The following CDIN1 variants were observed in gnomAD, a reference collection of about 807,000 sequenced individuals.
The protein encoded by CDIN1 is CDAN1 interacting nuclease 1, also known as CDAN1-interacting nuclease 1.
CDIN1 carries 33 observed loss-of-function variants against 45.3 expected under a neutral mutation model. The ratio of observed to expected loss-of-function variants is 0.73; its 90% CI spans 0.55 to 0.97. CDIN1 has a LOEUF of 0.97. Ranked by LOEUF, CDIN1 falls within the 50% of genes least tolerant of loss-of-function variation. The pLI is 0.00. For missense variants in CDIN1, 303 were observed against 339.4 expected (o/e 0.89, Z 0.84); for synonymous variants, 118 against 124.4 (o/e 0.95, Z 0.34).
At chr15:36,676,075 T>C (rs543795840) in intron 5 of CDIN1, among the ~76,000 whole-genome samples, 1 of 152,244 alleles carries the variant, frequency 6.6e-6, no homozygotes, top group East Asian at 1.9e-4. Context: ...TAGACGAAAG[T>C]TATTTCTGAA....
chr15:36,807,917 G>C (rs774664358), intron 10 of CDIN1, among the ~76,000 whole-genome samples: 6 of 152,052 alleles, frequency 3.9e-5, no homozygotes, highest in Admixed American at 2.6e-4. Flanking sequence ...GTTGCTATTA[G>C]GCAAGTTTAA....
At chr15:36,750,552 T>C (rs955848105) in intron 10 of CDIN1, among the ~76,000 whole-genome samples, 4 of 152,130 alleles carry the variant, frequency 2.6e-5, no homozygotes, top group Non-Finnish European at 5.9e-5. Context: ...GTCTCTGATG[T>C]GTGGGATGGA....
intron 1 of CDIN1, among the ~76,000 whole-genome samples, chr15:36,621,372 G>A (rs749131621): frequency 1.3e-5 from 2 of 152,180 alleles, no homozygotes; most frequent in South Asian, 2.1e-4. Context: ...AACACTGCAC[G>A]TATCTGTACA....
intron 7 of CDIN1, among the ~76,000 whole-genome samples, chr15:36,692,830 A>T (rs1276110556): frequency 4.6e-5 from 7 of 152,234 alleles, no homozygotes; most frequent in Non-Finnish European, 1.0e-4. Context: ...ACAAGATTGA[A>T]CAGACAGTAA....
chr15:36,663,021 T>A (rs1315596946), intron 5 of CDIN1, among the ~76,000 whole-genome samples: 1 of 152,118 alleles, frequency 6.6e-6, no homozygotes, highest in Non-Finnish European at 1.5e-5. Context: ...GCCCAACTTA[T>A]GATCCTGTCT....
intron 1 of CDIN1, among the ~76,000 whole-genome samples, chr15:36,643,074 G>A (rs116357110): frequency 0.011 from 1,669 of 151,966 alleles, 29 homozygotes; most frequent in African/African-American, 0.038. Context: ...AGTTTTAAAG[G>A]GAAATTGAAA....
chr15:36,734,213 TA>T (rs1285313816), intron 10 of CDIN1, among the ~76,000 whole-genome samples: 2 of 152,070 alleles, frequency 1.3e-5, no homozygotes, highest in African/African-American at 4.8e-5. Context: ...TTCCCCCTCC[TA>T]AAAGGAGTCC....
In CDIN1 at chr15:36,691,670, T is replaced by A; in HGVS notation, c.347-15T>A. ...GTTGACTATCTGCTAACAGTTCATCTCTTTTCTTCTACAGCCTCCAAGTCT... is the reference window on the plus strand; with the variant it reads ...GTTGACTATCTGCTAACAGTTCATCACTTTTCTTCTACAGCCTCCAAGTCT... On this transcript the variant is annotated splice_polypyrimidine_tract_variant and intron_variant, in intron 5 of 10. Transcript: ENST00000566621. The A allele has an allele frequency of 6.5e-7, 1 of 1,544,572 alleles. No individual in the cohort carries two copies. Among genetic ancestry groups the A allele is most frequent in the Non-Finnish European group, 8.9e-7 (1 of 1,126,626 alleles).
intron 1 of CDIN1, among the ~76,000 whole-genome samples, chr15:36,581,396 T>G (rs748102583): frequency 3.3e-5 from 5 of 152,232 alleles, no homozygotes; most frequent in Non-Finnish European, 7.3e-5. Flanking sequence ...GTTACTTTAA[T>G]CAACACTTAC....
intron 1 of CDIN1, among the ~76,000 whole-genome samples, chr15:36,616,369 A>C (rs1311429020): frequency 6.8e-6 from 1 of 147,970 alleles, no homozygotes; most frequent in Non-Finnish European, 1.5e-5. Flanking sequence ...TGCAACCCCC[A>C]CCTCCCGGGT....
intron 10 of CDIN1, among the ~76,000 whole-genome samples, chr15:36,795,329 G>C (rs951449402): frequency 6.6e-6 from 1 of 152,184 alleles, no homozygotes; most frequent in African/African-American, 2.4e-5. Context: ...ATAATTATTT[G>C]AGGTAATGGA....
intron 4 of CDIN1, among the ~76,000 whole-genome samples, chr15:36,656,290 A>G (rs2040778144): frequency 6.6e-6 from 1 of 152,176 alleles, no homozygotes; most frequent in Non-Finnish European, 1.5e-5. Context: ...GATGAGAAAT[A>G]TATAGCATTG....
chr15:36,757,934 C>T (rs555431842), intron 10 of CDIN1, among the ~76,000 whole-genome samples: 2 of 152,042 alleles, frequency 1.3e-5, no homozygotes, highest in African/African-American at 4.8e-5. Context: ...ATTCATGTAA[C>T]TTTTATTATA....
chr15:36,752,047 G>T (rs978409288), intron 10 of CDIN1, among the ~76,000 whole-genome samples: 4 of 152,060 alleles, frequency 2.6e-5, no homozygotes, highest in Non-Finnish European at 5.9e-5. Context: ...ATGGATGCTG[G>T]GCTTAATACT....
At chr15:36,777,292 A>G (rs1006854844) in intron 10 of CDIN1, among the ~76,000 whole-genome samples, 1 of 152,044 alleles carries the variant, frequency 6.6e-6, no homozygotes, top group Non-Finnish European at 1.5e-5. Context: ...TAATTTCCTC[A>G]GTTTCTAAGT....
intron 1 of CDIN1, chr15:36,613,868 T>C: frequency 6.3e-7 from 1 of 1,582,422 alleles, no homozygotes; most frequent in Non-Finnish European, 8.6e-7. Context: ...GGCTTGTAAG[T>C]GGGTGATCAC....
chr15:36,747,814 A>T (rs2044497817), intron 10 of CDIN1, among the ~76,000 whole-genome samples: 3 of 152,186 alleles, frequency 2.0e-5, no homozygotes, highest in African/African-American at 7.2e-5. Context: ...AGTGGCAGCC[A>T]ATAATATTAT....
intron 10 of CDIN1, among the ~76,000 whole-genome samples, chr15:36,773,149 G>A (rs1025445195): frequency 6.6e-6 from 1 of 152,020 alleles, no homozygotes; most frequent in Non-Finnish European, 1.5e-5. Context: ...TAGCTATATG[G>A]GTCTAGTGAT....
intron 10 of CDIN1, among the ~76,000 whole-genome samples, chr15:36,760,802 C>G (rs1363293489): frequency 6.6e-6 from 1 of 152,078 alleles, no homozygotes; most frequent in Non-Finnish European, 1.5e-5. Context: ...GGATAATATC[C>G]AGATAATAGA....
Sources: gnomAD v4.1 joint callset for allele counts (sites outside exome capture counted in the v4.1 genomes callset) on GRCh38, gnomAD v4.1.1 for gene constraint, MANE v1.5 for transcripts, NCBI Gene and HGNC (gene_info 2026-07-23, HGNC 2026-07-21) for gene names.